The following C1orf141 variants were observed in gnomAD, a reference collection of about 807,000 sequenced individuals.
C1orf141 encodes chromosome 1 open reading frame 141, also known as uncharacterized protein C1orf141.
A neutral mutation model predicts 23.2 loss-of-function variants in C1orf141; 19 were observed. The observed-to-expected ratio is 0.82, with a 90% CI of 0.57 to 1.20. The LOEUF is 1.20. C1orf141 is among the 50% of genes most tolerant of loss of function. C1orf141 has a pLI of 0.00. For synonymous variants in C1orf141, 153 were observed against 154.6 expected (o/e 0.99, Z 0.08); for missense variants, 469 against 455.1 (o/e 1.03, Z -0.28).
chr1:67,136,532 C>T (rs538142648), upstream of C1orf141, among the ~76,000 whole-genome samples: 13 of 152,240 alleles, frequency 8.5e-5, no homozygotes, highest in African/African-American at 2.9e-4. Context: ...ACGTTAGCTA[C>T]TCATTAATCT....
intron 1 of C1orf141, among the ~76,000 whole-genome samples, chr1:67,132,470 G>T (rs1646532120): frequency 6.6e-6 from 1 of 151,922 alleles, no homozygotes; most frequent in Non-Finnish European, 1.5e-5. Context: ...TTGCAGTGAG[G>T]TGTGATCGTG....
chr1:67,120,404 A>T (rs114260033), intron 4 of C1orf141, among the ~76,000 whole-genome samples: 3,394 of 152,204 alleles, frequency 0.022, 128 homozygotes, highest in African/African-American at 0.077. Context: ...ATCTATTGGG[A>T]TGGGATGAAT....
chr1:67,115,214 CT>C, intron 5 of C1orf141, 137 bp downstream of exon 5: 1 of 520,844 alleles, frequency 1.9e-6, no homozygotes, highest in Non-Finnish European at 3.4e-6. Context: ...TTAGTAAGTT[CT>C]TTTTTATAGT....
chr1:67,128,090 C>T (rs1325279921), intron 2 of C1orf141, among the ~76,000 whole-genome samples: 1 of 152,148 alleles, frequency 6.6e-6, no homozygotes. Flanking sequence ...CAATTAGTCA[C>T]ACATAAGTAG....
At chr1:67,132,373 A>T (rs1424244667) in intron 1 of C1orf141, among the ~76,000 whole-genome samples, 1 of 152,116 alleles carries the variant, frequency 6.6e-6, no homozygotes, top group Non-Finnish European at 1.5e-5. Flanking sequence ...ACAAAAAAAA[A>T]TTAGCTGGTC....
chr1:67,100,573 G>A (rs554313571), intron 5 of C1orf141, among the ~76,000 whole-genome samples: 1 of 151,952 alleles, frequency 6.6e-6, no homozygotes, highest in South Asian at 2.1e-4. Flanking sequence ...TGGTTCATGG[G>A]GTACAAATTC....
At chr1:67,119,731 T>C (rs1646263282) in intron 4 of C1orf141, among the ~76,000 whole-genome samples, 1 of 151,840 alleles carries the variant, frequency 6.6e-6, no homozygotes, top group Admixed American at 6.6e-5. Flanking sequence ...ACAGAGAAAG[T>C]GGGAAAAAAT....
At chr1:67,108,784 G>A (rs961999902) in intron 5 of C1orf141, among the ~76,000 whole-genome samples, 2 of 151,822 alleles carry the variant, frequency 1.3e-5, no homozygotes, top group African/African-American at 4.8e-5. Flanking sequence ...AGTAGGCAAA[G>A]GATATGAATA....
At position 67,092,789 on chromosome 1, in the gene C1orf141, T is replaced by C; in HGVS notation, c.*216A>G. Reference sequence around the variant, plus strand: ...TAATAGAAAGTCATGAACTAGATCCTCTTGGTGATAATTATTTCCTAATTT... The same window carrying C: ...TAATAGAAAGTCATGAACTAGATCCCCTTGGTGATAATTATTTCCTAATTT... On this transcript the variant is annotated 3_prime_UTR_variant, in exon 8 of 8. Transcript: ENST00000684719. The C allele has an allele frequency of 2.7e-6, 1 of 367,594 alleles. No homozygotes were observed. The highest frequency in any genetic ancestry group is 4.9e-6 in the Non-Finnish European group (1 of 203,168). 22.8% of individuals were successfully genotyped at this position (367,594 alleles called of 1,614,324 possible).
chr1:67,124,532 T>G (rs1646366114), intron 4 of C1orf141, among the ~76,000 whole-genome samples: 1 of 152,196 alleles, frequency 6.6e-6, no homozygotes, highest in Non-Finnish European at 1.5e-5. Context: ...TTGCTCAGGC[T>G]GGTCTCAAAC....
Position 67,115,409 on chromosome 1 carries a change from T to C in C1orf141, c.289A>G (p.Asn97Asp), listed in dbSNP as rs1207030392. ...GTTTGAATAAAGAATGGTCTTAAAT[T>C]TGACTTTTCAAAATTACTCTTTCTA... is the stretch of plus-strand genomic sequence containing the variant. ...EPRKSNFEKS[N>D]LRPFFIQTNV... The change falls in exon 5 of 8, where the codon AAT (asparagine) becomes GAT (aspartate). Residue 97 changes from asparagine to aspartate, a missense_variant. Around this residue, in one of 3 missense-constraint regions of C1orf141, gnomAD observed 370 missense variants for 348.1 expected, o/e 1.06. Coordinates refer to ENST00000684719, the MANE Select transcript of C1orf141 (RefSeq NM_001276351.2). The C allele has an allele frequency of 4.0e-6, 6 of 1,510,418 alleles. No homozygotes were observed. The African/African-American group carries it at 5.5e-5, about 14-fold the overall frequency. 93.6% of individuals were successfully genotyped at this position (1,510,418 alleles called of 1,614,324 possible). A position where few individuals can be genotyped will look rare whatever the true frequency, so the allele number is the denominator to read the frequency against.
chr1:67,094,697 C>G (rs1307622196), intron 7 of C1orf141: 1 of 152,268 alleles, frequency 6.6e-6, no homozygotes, highest in South Asian at 2.1e-4. Context: ...AGCTTTCGAG[C>G]CATATTGCCT....
At chr1:67,105,583 C>T (rs1021284177) in intron 5 of C1orf141, among the ~76,000 whole-genome samples, 5 of 152,034 alleles carry the variant, frequency 3.3e-5, no homozygotes, top group South Asian at 2.1e-4. Flanking sequence ...TACCCTCCCA[C>T]AGATGAAAAC....
At chr1:67,135,009 T>TCGGTC (rs2102515398), upstream of C1orf141, 1 of 131,364 alleles carries the variant, frequency 7.6e-6, no homozygotes, top group East Asian at 2.4e-4. Flanking sequence ...CAACGCGTCC[T>TCGGTC]CGGTCCGTAG....
intron 5 of C1orf141, among the ~76,000 whole-genome samples, chr1:67,105,549 A>T (rs997096464): frequency 6.6e-6 from 1 of 152,100 alleles, no homozygotes; most frequent in Non-Finnish European, 1.5e-5. Context: ...GATTCAACGT[A>T]GCTGAGTAAT....
At chr1:67,136,964 T>A (rs531949644), upstream of C1orf141, among the ~76,000 whole-genome samples, 4 of 152,336 alleles carry the variant, frequency 2.6e-5, no homozygotes, top group East Asian at 7.7e-4. Flanking sequence ...CTATTATAGA[T>A]AAATACTGGG....
chr1:67,111,062 C>G (rs1646059654), intron 5 of C1orf141, among the ~76,000 whole-genome samples: 1 of 151,796 alleles, frequency 6.6e-6, no homozygotes, highest in African/African-American at 2.4e-5. Flanking sequence ...ACACTCAATG[C>G]TCAGAGCTAG....
intron 5 of C1orf141, chr1:67,113,602 T>C: frequency 3.3e-6 from 2 of 610,310 alleles, no homozygotes; most frequent in South Asian, 4.4e-5. Flanking sequence ...TGACCTCAAG[T>C]GATCCACTTG....
At position 67,095,276 on chromosome 1, in the gene C1orf141, T is replaced by C. The variant is rs770235950; in HGVS notation, c.562A>G (p.Ile188Val). Residue 188 changes from isoleucine (I) to valine (V), a missense_variant, in exon 7 of 8, where the codon ATA (isoleucine) becomes GTA (valine). Around this residue, in one of 3 missense-constraint regions of C1orf141, gnomAD observed 370 missense variants for 348.1 expected, o/e 1.06. Coordinates refer to ENST00000684719, the MANE Select transcript of C1orf141 (RefSeq NM_001276351.2). ...GTCTTTGTTGGACTAACGTTGACTA[T>C]CTTGGCATGTGGATTTTTCAATTCA... ...EDELKNPHAK[I>V]VNVSPTKTVT... The C allele has an allele frequency of 1.2e-5, 20 of 1,605,870 alleles. No homozygotes were observed. Among genetic ancestry groups the C allele is most frequent in the Admixed American group, 6.8e-5 (4 of 59,016 alleles).
Sources: allele counts gnomAD v4.1 joint callset (sites outside exome capture counted in the v4.1 genomes callset), GRCh38; gene constraint gnomAD v4.1.1; regional missense constraint gnomAD v4.1.1; transcripts MANE v1.5; gene names NCBI Gene and HGNC (gene_info 2026-07-23, HGNC 2026-07-21).